Variants in PCLO observed in about 807,000 individuals in gnomAD.
PCLO encodes piccolo presynaptic cytomatrix protein.
Under a neutral mutation model 427.5 loss-of-function variants are expected in PCLO, and 82 were observed. The observed-to-expected ratio is 0.19, with a 90% CI of 0.16 to 0.23. PCLO has a LOEUF of 0.23. Among genes scored for constraint, PCLO ranks in the 10% least tolerant of loss-of-function variants. The pLI is 1.00. For synonymous variants in PCLO, 2,357 were observed against 2,155.4 expected (o/e 1.09, Z -2.59); for missense variants, 6,239 against 6,115.9 (o/e 1.02, Z -0.67).
chr7:83,045,069 A>C (rs759834431), intron 3 of PCLO, among the ~76,000 whole-genome samples: 1 of 152,136 alleles, frequency 6.6e-6, no homozygotes, highest in Non-Finnish European at 1.5e-5. Flanking sequence ...AAAAGCAGAC[A>C]TTTCATCTGA....
chr7:83,110,365 A>C (rs1326653483), intron 3 of PCLO, among the ~76,000 whole-genome samples: 2 of 152,038 alleles, frequency 1.3e-5, no homozygotes, highest in Non-Finnish European at 2.9e-5. Flanking sequence ...TGTCAATTTT[A>C]TCACCATATA....
intron 6 of PCLO, among the ~76,000 whole-genome samples, chr7:82,937,993 T>A (rs148024418): frequency 2.7e-4 from 41 of 152,008 alleles, no homozygotes; most frequent in African/African-American, 9.6e-4. Flanking sequence ...AACAAACTTA[T>A]CTTCTACTAC....
chr7:82,884,836 T>C (rs1047288042), intron 9 of PCLO, among the ~76,000 whole-genome samples: 20 of 152,046 alleles, frequency 1.3e-4, no homozygotes, highest in Non-Finnish European at 2.8e-4. Flanking sequence ...GAAACACTTA[T>C]GAAACTCTAC....
chr7:82,866,670 ACAC>A (rs1793101563), intron 10 of PCLO, among the ~76,000 whole-genome samples: 1 of 150,540 alleles, frequency 6.6e-6, no homozygotes, highest in Admixed American at 6.8e-5. Context: ...ACACACACAC[ACAC>A]ACACACACAC....
intron 3 of PCLO, among the ~76,000 whole-genome samples, chr7:83,060,629 C>T (rs151240059): frequency 4.7e-4 from 71 of 152,232 alleles, no homozygotes; most frequent in African/African-American, 1.4e-3. Context: ...ATAAGGCACA[C>T]CAAGGGTCAA....
chr7:82,921,831 C>G (rs1315863933), intron 6 of PCLO, among the ~76,000 whole-genome samples: 1 of 151,514 alleles, frequency 6.6e-6, no homozygotes, highest in Admixed American at 6.6e-5. Flanking sequence ...AATACCTGCA[C>G]ATTATACATC....
At position 82,955,607 on chromosome 7, in the gene PCLO, T is replaced by C. The variant is rs899048446; in HGVS notation, c.5346A>G (p.Glu1782=). The change falls in exon 5 of 25, where the codon GAA becomes GAG. Residue 1782 remains glutamate (E), a synonymous_variant. Coordinates refer to ENST00000333891, the MANE Select transcript of PCLO (RefSeq NM_033026.6). The stretch of plus-strand genomic sequence containing the variant: ...TTTCTTGCTCCTTTAATAATTCTTC[T>C]TCCTCTCTCAATTCTTCTTCCTCTG... ...DSSEEEELRE[E]EELLKEQEKQ... The C allele has an allele frequency of 8.1e-6, 13 of 1,613,824 alleles. No individual in the cohort carries two copies. The highest frequency in any genetic ancestry group is 1.7e-5 in the Admixed American group (1 of 59,998).
intron 9 of PCLO, among the ~76,000 whole-genome samples, chr7:82,884,768 C>G (rs1793590753): frequency 6.6e-6 from 1 of 151,712 alleles, no homozygotes; most frequent in African/African-American, 2.4e-5. Context: ...GATGGCAGGC[C>G]AGGACGTGGG....
chr7:82,822,085 A>G (rs1791806551), intron 20 of PCLO: 1 of 1,015,442 alleles, frequency 9.8e-7, no homozygotes, highest in Non-Finnish European at 1.2e-6. Context: ...CTAAATACTT[A>G]TATGTGTGCA....
chr7:82,987,305 AC>A (rs1196162134), intron 3 of PCLO, among the ~76,000 whole-genome samples: 1 of 152,022 alleles, frequency 6.6e-6, no homozygotes, highest in Non-Finnish European at 1.5e-5. Flanking sequence ...TAAAATGGAG[AC>A]AACAGACTTA....
Position 82,955,918 on chromosome 7 carries a change from T to C in PCLO, c.5035A>G (p.Lys1679Glu). Residue 1679 changes from lysine to glutamate, a missense_variant, in exon 5 of 25, where the codon AAA (lysine) becomes GAA (glutamate). By Grantham distance (56) the Lys-to-Glu change is moderately conservative. This residue lies in a region of PCLO where 4,677 missense variants were observed against 4,468.4 expected (regional missense o/e 1.05). Transcript: ENST00000333891. ...TIELNSTIAD[K>E]YSAESSQKKT... ...TTCTGTGATGACTCTGCAGAATATTTATCTGCTATTGTACTGTTGAGCTCA... is the reference window on the plus strand; with the variant it reads ...TTCTGTGATGACTCTGCAGAATATTCATCTGCTATTGTACTGTTGAGCTCA... 1.2e-6 allele frequency: 2 copies of C among 1,613,970 alleles called. No individual in the cohort carries two copies. Among genetic ancestry groups the C allele is most frequent in the South Asian group, 2.2e-5 (2 of 91,086 alleles).
At chr7:83,051,508 C>T (rs1463848937) in intron 3 of PCLO, among the ~76,000 whole-genome samples, 1 of 152,068 alleles carries the variant, frequency 6.6e-6, no homozygotes, top group Non-Finnish European at 1.5e-5. Context: ...ATTATGTAAA[C>T]AATCTCTTAG....
intron 16 of PCLO, among the ~76,000 whole-genome samples, chr7:82,829,441 T>C (rs1792036261): frequency 6.6e-6 from 1 of 152,148 alleles, no homozygotes; most frequent in South Asian, 2.1e-4. Context: ...ACCGAGTTGG[T>C]GTTTCATAAC....
At chr7:83,027,334 G>A (rs1046701111) in intron 3 of PCLO, among the ~76,000 whole-genome samples, 2,963 of 151,976 alleles carry the variant, frequency 0.019, 104 homozygotes, top group African/African-American at 0.067. Flanking sequence ...ACACCTCTAC[G>A]CAAATAATCT....
At chr7:82,810,274 G>C (rs1437507912) in intron 20 of PCLO, among the ~76,000 whole-genome samples, 3 of 151,442 alleles carry the variant, frequency 2.0e-5, no homozygotes, top group Admixed American at 2.0e-4. Context: ...CTTTTAATTA[G>C]AGTTTCAGAA....
intron 6 of PCLO, among the ~76,000 whole-genome samples, chr7:82,940,290 T>C (rs915273696): frequency 1.3e-5 from 2 of 152,204 alleles, no homozygotes; most frequent in Non-Finnish European, 2.9e-5. Flanking sequence ...ATGATTTCTA[T>C]CATTTTAATA....
At chr7:82,760,542 T>G (rs1790408254) in intron 24 of PCLO, 97 bp downstream of exon 24, 2 of 701,668 alleles carry the variant, frequency 2.9e-6, no homozygotes, top group Non-Finnish European at 4.4e-6. Context: ...AAATGTCATA[T>G]AGTGTATGAT....
chr7:82,864,763 A>G lies in PCLO; in HGVS notation c.13654+14574T>C, dbSNP rs556862569. On this transcript the variant is annotated intron_variant, in intron 10 of 24. Coordinates refer to ENST00000333891, the MANE Select transcript of PCLO (RefSeq NM_033026.6). The stretch of plus-strand genomic sequence containing the variant: ...TGAATGACAATTTGCTGAATGAATG[A>G]ATGGATAAAATCAGAGAGACTGGAA... Among the ~76,000 whole-genome samples the G allele has an allele frequency of 2.6e-5, 4 of 152,290 alleles. No individual in the cohort carries two copies. In the South Asian group the frequency reaches 8.3e-4, roughly 32 times the overall value.
chr7:82,970,126 G>A (rs1253478168), intron 3 of PCLO, among the ~76,000 whole-genome samples: 1 of 151,854 alleles, frequency 6.6e-6, no homozygotes, highest in Non-Finnish European at 1.5e-5. Context: ...CCTGCAAAAA[G>A]GCAATGATTA....
Sources: allele counts gnomAD v4.1 joint callset (sites outside exome capture counted in the v4.1 genomes callset), GRCh38; gene constraint gnomAD v4.1.1; regional missense constraint gnomAD v4.1.1; transcripts MANE v1.5; gene names NCBI Gene and HGNC (gene_info 2026-07-23, HGNC 2026-07-21).